Variants in EXTL2 observed in about 807,000 individuals in gnomAD.
The protein encoded by EXTL2 is exostosin like glycosyltransferase 2.
Under a neutral mutation model 30.7 loss-of-function variants are expected in EXTL2, and 23 were observed. That is an observed-to-expected ratio of 0.75 (90% CI 0.54 to 1.06). The LOEUF is 1.06. Among genes scored for constraint, EXTL2 ranks in the 50% least tolerant of loss-of-function variants. The pLI is 0.00. For synonymous variants in EXTL2, 123 were observed against 133.8 expected (o/e 0.92, Z 0.56); for missense variants, 352 against 396.3 (o/e 0.89, Z 0.95).
chr1:100,880,442 A>G (rs906421862), intron 2 of EXTL2, among the ~76,000 whole-genome samples: 10 of 152,076 alleles, frequency 6.6e-5, no homozygotes, highest in Admixed American at 6.6e-4. Context: ...TGCTTCTATC[A>G]CGGCCTCACT....
At chr1:100,890,486 C>T (rs1344519778) in intron 1 of EXTL2, among the ~76,000 whole-genome samples, 1 of 152,220 alleles carries the variant, frequency 6.6e-6, no homozygotes, top group Non-Finnish European at 1.5e-5. Context: ...GAATTCCACC[C>T]CAGAAAATGG....
intron 2 of EXTL2, among the ~76,000 whole-genome samples, chr1:100,886,522 A>C (rs943335170): frequency 9.2e-5 from 14 of 152,212 alleles, no homozygotes; most frequent in African/African-American, 3.4e-4. Context: ...CTAAGCTCTT[A>C]TGCATTGCAA....
At chr1:100,893,552 C>A (rs1211421246) in intron 1 of EXTL2, among the ~76,000 whole-genome samples, 1 of 152,156 alleles carries the variant, frequency 6.6e-6, no homozygotes, top group Admixed American at 6.5e-5. Flanking sequence ...CAGCACCCAG[C>A]ACAGAGCCTG....
Position 100,877,526 on chromosome 1 carries a change from G to A in EXTL2, c.383C>T (p.Ala128Val). 4 of 1,611,034 alleles carry A rather than the reference G, an allele frequency of 2.5e-6. No homozygotes were observed. The highest frequency in any genetic ancestry group is 3.4e-6 in the Non-Finnish European group (4 of 1,178,460). Residue 128 changes from alanine to valine, a missense_variant, in exon 3 of 5, where the codon GCA (alanine) becomes GTA (valine). Transcript: ENST00000370114. This position sits in a 1 kb window ranked among gnomAD's most constrained non-coding sequence, Gnocchi z 4.1. ...CTGGAGTCGATTTCTCATCCTGTTT[G>A]CTGTCTGTTGTTTGAAGATCACAGG... ...PIPVIFKQQT[A>V]NRMRNRLQVF...
chr1:100,881,144 C>T, intron 2 of EXTL2: 5 of 618,414 alleles, frequency 8.1e-6, no homozygotes, highest in Non-Finnish European at 1.0e-5. Context: ...ATAATGCAAC[C>T]CAATAAAATT....
At chr1:100,878,468 G>A (rs531026925) in intron 2 of EXTL2, 30 of 470,892 alleles carry the variant, frequency 6.4e-5, no homozygotes, top group South Asian at 4.5e-4. Context: ...AGCAATTAAT[G>A]AGATACAAAA....
intron 1 of EXTL2, among the ~76,000 whole-genome samples, chr1:100,893,813 G>A (rs973431762): frequency 2.0e-5 from 3 of 152,134 alleles, no homozygotes; most frequent in African/African-American, 7.2e-5. Flanking sequence ...ACTGAAAGAT[G>A]TGAAGACATC....
intron 2 of EXTL2, among the ~76,000 whole-genome samples, chr1:100,883,047 C>T (rs1348371992): frequency 2.0e-5 from 3 of 152,142 alleles, no homozygotes; most frequent in Non-Finnish European, 4.4e-5. Flanking sequence ...TAATCAGCAG[C>T]AGAACCAAGA....
intron 1 of EXTL2, among the ~76,000 whole-genome samples, chr1:100,891,120 G>A (rs923540181): frequency 6.6e-6 from 1 of 152,192 alleles, no homozygotes; most frequent in Admixed American, 6.5e-5. Flanking sequence ...GTATACACTT[G>A]TACTAAGAAT....
chr1:100,894,736 T>C lies in EXTL2; in HGVS notation c.-175A>G, dbSNP rs898279941. On this transcript the variant is annotated 5_prime_UTR_variant, in exon 1 of 5. Coordinates refer to ENST00000370114, the MANE Select transcript of EXTL2 (RefSeq NM_001033025.3). ...TCGTTTGCTCATTTTTGTTTTTTTTTCTAAACCAAGTAGCGTGCATCTATC... is the reference window on the plus strand; with the variant it reads ...TCGTTTGCTCATTTTTGTTTTTTTTCCTAAACCAAGTAGCGTGCATCTATC... 6.6e-6 allele frequency: 1 copy of C among 152,142 alleles called. No individual in the cohort carries two copies. The highest frequency in any genetic ancestry group is 1.5e-5 in the Non-Finnish European group (1 of 68,026). 9.4% of individuals were successfully genotyped at this position (152,142 alleles called of 1,614,324 possible).
chr1:100,880,433 G>A (rs529345996), intron 2 of EXTL2, among the ~76,000 whole-genome samples: 24 of 152,182 alleles, frequency 1.6e-4, no homozygotes, highest in Admixed American at 1.0e-3. Context: ...TTGTGTTTCT[G>A]CTTCTATCAC....
chr1:100,882,826 T>C (rs996755476), intron 2 of EXTL2, among the ~76,000 whole-genome samples: 2 of 151,584 alleles, frequency 1.3e-5, no homozygotes, highest in Non-Finnish European at 2.9e-5. Context: ...TCTCATCTCA[T>C]AAAAAAACAA....
chr1:100,893,539 C>T (rs1280686291), intron 1 of EXTL2, among the ~76,000 whole-genome samples: 2 of 152,094 alleles, frequency 1.3e-5, no homozygotes, highest in Non-Finnish European at 2.9e-5. Flanking sequence ...GGCTTTGTAT[C>T]CCCAGCACCC....
At chr1:100,875,576 A>G (rs947085339) in intron 4 of EXTL2, among the ~76,000 whole-genome samples, 1 of 152,082 alleles carries the variant, frequency 6.6e-6, no homozygotes, top group Non-Finnish European at 1.5e-5. Flanking sequence ...GGTAATGGGC[A>G]AATACAAAGA....
At chr1:100,875,323 T>TGG (rs1227660493) in intron 4 of EXTL2, among the ~76,000 whole-genome samples, 2 of 151,728 alleles carry the variant, frequency 1.3e-5, no homozygotes, top group Admixed American at 6.6e-5. Flanking sequence ...GGGTATAATA[T>TGG]GGATATGCAA....
chr1:100,873,958 T>G lies in EXTL2; in HGVS notation c.977A>C (p.Tyr326Ser), dbSNP rs1482404349. ...ISQFGFPYANYKRKI is the reference protein window; with the variant it reads ...ISQFGFPYANSKRKI Reference sequence around the variant, plus strand: ...GTTTTACTTTTATATTTTTCTTTTGTAGTTGGCATATGGAAAACCAAACTG... The same window carrying G: ...GTTTTACTTTTATATTTTTCTTTTGGAGTTGGCATATGGAAAACCAAACTG... The change falls in exon 5 of 5, where the codon TAC becomes TCC. Residue 326 changes from tyrosine (Y) to serine (S), a missense_variant. Tyr to Ser is a moderately radical substitution (Grantham distance 144, BLOSUM62 -2). Transcript: ENST00000370114. 1 of 1,568,428 alleles carries G rather than the reference T, an allele frequency of 6.4e-7. No individual in the cohort carries two copies. The highest frequency in any genetic ancestry group is 8.6e-7 in the Non-Finnish European group (1 of 1,161,810).
rs116740049 is a variant in EXTL2, at chr1:100,886,381, C to T, written c.5+2372G>A. On this transcript the variant is annotated intron_variant, in intron 2 of 4. Transcript: ENST00000370114. The stretch of plus-strand genomic sequence containing the variant: ...TCTGTGCTGATTACATTAAACATCA[C>T]GTCTTCCATCTGGCGGACAGGTTGA... Among the ~76,000 whole-genome samples, 419 of 152,320 alleles carry T rather than the reference C, an allele frequency of 2.8e-3. 7 individuals carry two copies. Among genetic ancestry groups the T allele is most frequent in the African/African-American group, 9.8e-3 (406 of 41,576 alleles).
chr1:100,889,993 A>G (rs2893468), intron 1 of EXTL2, among the ~76,000 whole-genome samples: 86,412 of 152,048 alleles, frequency 0.57, 25,004 homozygotes, highest in Middle Eastern at 0.65. Flanking sequence ...CTCCAGTGGC[A>G]ACTTTGTGTG....
intron 1 of EXTL2, among the ~76,000 whole-genome samples, chr1:100,891,928 G>A (rs984837224): frequency 1.3e-5 from 2 of 152,194 alleles, no homozygotes; most frequent in Admixed American, 1.3e-4. Context: ...GACGTTTAGA[G>A]GTTAGAAGCA....
Sources: gnomAD v4.1 joint callset for allele counts (sites outside exome capture counted in the v4.1 genomes callset) on GRCh38, gnomAD v4.1.1 for gene constraint, Gnocchi (gnomAD v3.1) non-coding constraint, MANE v1.5 for transcripts, NCBI Gene and HGNC (gene_info 2026-07-23, HGNC 2026-07-21) for gene names.